GOLPH3: variants seen among roughly 807,000 people sequenced by gnomAD.
GOLPH3 encodes the protein coat protein GPP34.
GOLPH3 carries 14 observed loss-of-function variants against 28.5 expected under a neutral mutation model. The ratio of observed to expected loss-of-function variants is 0.49; its 90% CI spans 0.32 to 0.77. The LOEUF is 0.77. Among genes scored for constraint, GOLPH3 ranks in the 30% least tolerant of loss-of-function variants. The pLI, the probability that GOLPH3 is intolerant of heterozygous loss-of-function variation, is 0.03. For synonymous variants in GOLPH3, 158 were observed against 159.2 expected (o/e 0.99, Z 0.06); for missense variants, 350 against 393.7 (o/e 0.89, Z 0.94).
At chr5:32,134,243 T>C (rs1745885384) in intron 3 of GOLPH3, among the ~76,000 whole-genome samples, 1 of 151,946 alleles carries the variant, frequency 6.6e-6, no homozygotes, top group Non-Finnish European at 1.5e-5. Context: ...TCTCACTCTG[T>C]CACCCAGGTT....
At chr5:32,155,098 CA>C (rs55955910) in intron 1 of GOLPH3, among the ~76,000 whole-genome samples, 45 of 112,946 alleles carry the variant, frequency 4.0e-4, no homozygotes, top group Admixed American at 3.7e-4. Flanking sequence ...GACTCTGTCT[CA>C]AAAAAAAAAA....
At chr5:32,127,477 G>C (rs1007237176) in intron 3 of GOLPH3, among the ~76,000 whole-genome samples, 1 of 152,236 alleles carries the variant, frequency 6.6e-6, no homozygotes, top group East Asian at 1.9e-4. Flanking sequence ...TTCTAATACT[G>C]AGAGAAAACC....
At position 32,133,638 on chromosome 5, in the gene GOLPH3, A is replaced by G. The variant is rs75327553; in HGVS notation, c.472+1934T>C. Among the ~76,000 whole-genome samples the G allele has an allele frequency of 6.5e-3, 995 of 152,372 alleles. 13 individuals carry two copies. The highest frequency in any genetic ancestry group is 0.022 in the African/African-American group (912 of 41,590). The stretch of plus-strand genomic sequence containing the variant: ...CTAATATTTAACATATAGAGTTGAC[A>G]TTAATGCCCTGAGTCTCTGTTAGAT... On this transcript the variant is annotated intron_variant, in intron 3 of 3. Transcript: ENST00000265070.
rs376956824 is a variant in GOLPH3, at chr5:32,126,302, C to A, written c.807G>T (p.Arg269=). ...EQYDLATKRV[R]QLLDLDPEVE... ...CTTCAGGGTCTAAGTCGAGAAGCTG[C>A]CGCACTCTCTTGGTAGCCAAATCAT... is the stretch of plus-strand genomic sequence containing the variant. The change falls in exon 4 of 4, where the codon CGG becomes CGT. Residue 269 remains arginine, a synonymous_variant. Coordinates refer to ENST00000265070, the MANE Select transcript of GOLPH3 (RefSeq NM_022130.4). 1.9e-6 allele frequency: 3 copies of A among 1,614,040 alleles called. No individual in the cohort carries two copies. The highest frequency in any genetic ancestry group is 2.5e-6 in the Non-Finnish European group (3 of 1,180,036).
rs73752826 is a variant in GOLPH3 at position 32,168,331 on chromosome 5, T to C, written c.225+5479A>G. Among the ~76,000 whole-genome samples, 952 of 152,346 alleles carry C rather than the reference T, an allele frequency of 6.2e-3. 13 individuals are homozygous for C. Among genetic ancestry groups the C allele is most frequent in the African/African-American group, 0.022 (910 of 41,570 alleles). ...AAAGTAGTGACCTTGGGAACCTTAT[T>C]CCAAAAATGGAAAACATCTTTGGAG... On this transcript the variant is annotated intron_variant, in intron 1 of 3. Coordinates refer to ENST00000265070, the MANE Select transcript of GOLPH3 (RefSeq NM_022130.4).
intron 3 of GOLPH3, among the ~76,000 whole-genome samples, chr5:32,132,792 T>C (rs1208593156): frequency 6.6e-6 from 1 of 152,200 alleles, no homozygotes; most frequent in Non-Finnish European, 1.5e-5. Flanking sequence ...AATTAAAAAA[T>C]CAGCAAGCTG....
rs1001341269 is a variant in GOLPH3, at chr5:32,143,151, A to C, written c.357+598T>G. Among the ~76,000 whole-genome samples the C allele has an allele frequency of 3.1e-3, 476 of 152,200 alleles. 4 individuals are homozygous for C. Among genetic ancestry groups the C allele is most frequent in the African/African-American group, 0.011 (463 of 41,462 alleles). On this transcript the variant is annotated intron_variant, in intron 2 of 3. Coordinates refer to ENST00000265070, the MANE Select transcript of GOLPH3 (RefSeq NM_022130.4). Reference sequence around the variant, plus strand: ...GGATCCTGTTGATCGGTGACCTTAAACCCAACCCTGTGCTCTCTGAAACAT... The same window carrying C: ...GGATCCTGTTGATCGGTGACCTTAACCCCAACCCTGTGCTCTCTGAAACAT...
rs560261378 is a variant in GOLPH3 at position 32,132,312 on chromosome 5, C to T, written c.472+3260G>A. ...ATAATAAAATGAGCCCCTGGGTATCCTCCACCCCAGGTAAAGAAACTGTTC... is the reference window on the plus strand; with the variant it reads ...ATAATAAAATGAGCCCCTGGGTATCTTCCACCCCAGGTAAAGAAACTGTTC... On this transcript the variant is annotated intron_variant, in intron 3 of 3. Coordinates refer to ENST00000265070, the MANE Select transcript of GOLPH3 (RefSeq NM_022130.4). Among the ~76,000 whole-genome samples, 5 of 152,210 alleles carry T rather than the reference C, an allele frequency of 3.3e-5. No homozygotes were observed. The East Asian group carries it at 9.6e-4, about 29-fold the overall frequency.
intron 1 of GOLPH3, among the ~76,000 whole-genome samples, chr5:32,172,010 T>C (rs1171685701): frequency 1.3e-5 from 2 of 152,122 alleles, no homozygotes; most frequent in Admixed American, 6.5e-5. Flanking sequence ...AAACCTAAAG[T>C]TGAATATTTT....
intron 3 of GOLPH3, among the ~76,000 whole-genome samples, chr5:32,129,828 A>G (rs1478639812): frequency 3.9e-5 from 6 of 152,100 alleles, no homozygotes; most frequent in African/African-American, 9.7e-5. Context: ...ACATCTTTCA[A>G]AAGTGTGTAA....
chr5:32,165,970 C>G (rs1049009632), intron 1 of GOLPH3, among the ~76,000 whole-genome samples: 1 of 152,142 alleles, frequency 6.6e-6, no homozygotes, highest in African/African-American at 2.4e-5. Flanking sequence ...AAAGAAAAGA[C>G]GAAAACCTTA....
intron 2 of GOLPH3, among the ~76,000 whole-genome samples, chr5:32,137,926 T>TG (rs1417874627): frequency 2.2e-5 from 3 of 139,440 alleles, no homozygotes; most frequent in Non-Finnish European, 4.6e-5. Flanking sequence ...TTTTTTGAGA[T>TG]GGAGTCTCAC....
chr5:32,164,521 G>A (rs1392554822), intron 1 of GOLPH3, among the ~76,000 whole-genome samples: 10 of 151,866 alleles, frequency 6.6e-5, no homozygotes, highest in Non-Finnish European at 1.3e-4. Context: ...AGCCTCCCGA[G>A]TAGCTGGGAC....
intron 1 of GOLPH3, among the ~76,000 whole-genome samples, chr5:32,145,410 A>G (rs1561668542): frequency 6.6e-6 from 1 of 152,234 alleles, no homozygotes; most frequent in Admixed American, 6.5e-5. Context: ...AGTACTTTAT[A>G]GAGGTTAGGT....
rs564456789 is a variant in GOLPH3, at chr5:32,142,678, C to T, written c.357+1071G>A. Among the ~76,000 whole-genome samples the T allele has an allele frequency of 6.1e-5, 9 of 147,108 alleles. No homozygotes were observed. In the East Asian group the frequency reaches 8.4e-4, roughly 14 times the overall value. On this transcript the variant is annotated intron_variant, in intron 2 of 3. Coordinates refer to ENST00000265070, the MANE Select transcript of GOLPH3 (RefSeq NM_022130.4). ...GGGTCAGCCCCCAAGCCCGGCCAGC[C>T]GCCCCGTCCGGGAGGGAGGTGGGGG...
intron 3 of GOLPH3, among the ~76,000 whole-genome samples, chr5:32,128,914 C>T (rs545803819): frequency 2.1e-4 from 32 of 152,178 alleles, no homozygotes; most frequent in African/African-American, 7.7e-4. Context: ...ATGGTGAAAT[C>T]CCGTCTCTAC....
chr5:32,161,427 A>G (rs1320752103), intron 1 of GOLPH3, among the ~76,000 whole-genome samples: 22 of 137,110 alleles, frequency 1.6e-4, no homozygotes, highest in African/African-American at 3.1e-4. Context: ...AAAGCTGAGG[A>G]AAAAAAAAAA....
chr5:32,151,120 CA>C (rs1746295548), intron 1 of GOLPH3, among the ~76,000 whole-genome samples: 1 of 152,036 alleles, frequency 6.6e-6, no homozygotes, highest in Non-Finnish European at 1.5e-5. Flanking sequence ...AGAGACTACC[CA>C]TTTTTTTGGT....
At chr5:32,129,865 G>A (rs551548424) in intron 3 of GOLPH3, among the ~76,000 whole-genome samples, 19 of 150,768 alleles carry the variant, frequency 1.3e-4, no homozygotes, top group African/African-American at 3.2e-4. Context: ...TTTTTGAGAC[G>A]GAGTCTCACT....
Sources: allele counts gnomAD v4.1 joint callset (sites outside exome capture counted in the v4.1 genomes callset), GRCh38; gene constraint gnomAD v4.1.1; transcripts MANE v1.5; gene names NCBI Gene and HGNC (gene_info 2026-07-23, HGNC 2026-07-21).